GFRAL: variants seen among roughly 807,000 people sequenced by gnomAD.
The protein encoded by GFRAL is GDNF family receptor alpha like.
GFRAL carries 36 observed loss-of-function variants against 45.4 expected under a neutral mutation model. The observed-to-expected ratio is 0.79, with a 90% CI of 0.61 to 1.05. The LOEUF is 1.05. Ranked by LOEUF, GFRAL falls within the 50% of genes least tolerant of loss-of-function variation. The pLI is 0.00. For synonymous variants in GFRAL, 166 were observed against 154.1 expected, an observed-to-expected ratio of 1.08 and a Z score of -0.57; for missense variants, 507 against 467.5, an observed-to-expected ratio of 1.08 and a Z score of -0.78.
At chr6:55,394,986 C>A (rs9382489) in intron 6 of GFRAL, among the ~76,000 whole-genome samples, 35,420 of 151,588 alleles carry the variant, frequency 0.23, 5,008 homozygotes, top group Middle Eastern at 0.33. Context: ...TTCCCTTCTA[C>A]TCTCACTACA....
chr6:55,383,676 G>A (rs556264624), intron 6 of GFRAL, among the ~76,000 whole-genome samples: 2 of 152,030 alleles, frequency 1.3e-5, no homozygotes, highest in East Asian at 3.9e-4. Flanking sequence ...AATGTATTCT[G>A]GTCCTGATCA....
At chr6:55,339,579 T>G (rs985135720) in intron 3 of GFRAL, among the ~76,000 whole-genome samples, 2 of 151,928 alleles carry the variant, frequency 1.3e-5, no homozygotes, top group African/African-American at 4.8e-5. Flanking sequence ...GTTTTTTAAA[T>G]AGGAAAAGAA....
chr6:55,395,162 G>GGA (rs1320226262), intron 6 of GFRAL, among the ~76,000 whole-genome samples: 4 of 125,180 alleles, frequency 3.2e-5, no homozygotes, highest in African/African-American at 1.3e-4. Flanking sequence ...TCAGCCTATG[G>GGA]AAAAAAAAAA....
At chr6:55,384,754 C>T (rs1435411399) in intron 6 of GFRAL, among the ~76,000 whole-genome samples, 1 of 151,584 alleles carries the variant, frequency 6.6e-6, no homozygotes, top group Non-Finnish European at 1.5e-5. Flanking sequence ...ACTTTTGCAA[C>T]TTTAGAGGTT....
At chr6:55,394,728 G>A (rs552253034) in intron 6 of GFRAL, among the ~76,000 whole-genome samples, 4 of 152,102 alleles carry the variant, frequency 2.6e-5, no homozygotes, top group African/African-American at 4.8e-5. Flanking sequence ...TTCCTGAGTC[G>A]TCAGCTTTTA....
chr6:55,342,377 C>A (rs1767980132), intron 3 of GFRAL, among the ~76,000 whole-genome samples: 1 of 152,124 alleles, frequency 6.6e-6, no homozygotes, highest in South Asian at 2.1e-4. Context: ...ATTCAACATT[C>A]TTAAAGAAAA....
At chr6:55,394,348 G>T (rs561576327) in intron 6 of GFRAL, among the ~76,000 whole-genome samples, 4 of 152,196 alleles carry the variant, frequency 2.6e-5, no homozygotes, top group African/African-American at 9.6e-5. Context: ...TTAAGGGGAG[G>T]GGCAGGACTG....
At chr6:55,363,804 A>G (rs1253922977) in intron 6 of GFRAL, among the ~76,000 whole-genome samples, 3 of 151,584 alleles carry the variant, frequency 2.0e-5, no homozygotes, top group South Asian at 2.1e-4. Flanking sequence ...TCCATGGTGC[A>G]TATGTGCCAC....
intron 3 of GFRAL, among the ~76,000 whole-genome samples, chr6:55,334,935 A>C (rs993915964): frequency 6.6e-6 from 1 of 152,188 alleles, no homozygotes; most frequent in Non-Finnish European, 1.5e-5. Context: ...TCATTATCGA[A>C]AGTAAATTGC....
intron 3 of GFRAL, among the ~76,000 whole-genome samples, chr6:55,338,932 G>A (rs899206937): frequency 2.6e-5 from 4 of 152,078 alleles, no homozygotes; most frequent in Admixed American, 6.6e-5. Flanking sequence ...TGTATCATCA[G>A]TTTCTCAAAA....
intron 3 of GFRAL, among the ~76,000 whole-genome samples, chr6:55,349,087 G>A (rs1768082481): frequency 6.6e-6 from 1 of 152,008 alleles, no homozygotes; most frequent in Non-Finnish European, 1.5e-5. Context: ...CAAGAAGAAA[G>A]AGTGGTTCTC....
intron 6 of GFRAL, among the ~76,000 whole-genome samples, chr6:55,381,023 T>C (rs548651910): frequency 8.6e-5 from 13 of 151,956 alleles, no homozygotes; most frequent in Non-Finnish European, 1.2e-4. Flanking sequence ...TTTCCAACAC[T>C]TTTCCTTTTT....
chr6:55,393,671 G>T (rs192281573), intron 6 of GFRAL, among the ~76,000 whole-genome samples: 6 of 152,052 alleles, frequency 3.9e-5, no homozygotes, highest in East Asian at 1.9e-4. Flanking sequence ...AAGAGGCAAG[G>T]GGGGAGGAAA....
chr6:55,376,934 A>G (rs1169507932), intron 6 of GFRAL, among the ~76,000 whole-genome samples: 1 of 151,880 alleles, frequency 6.6e-6, no homozygotes, highest in African/African-American at 2.4e-5. Context: ...TTTGGGACCT[A>G]CAAGTAGTCG....
rs576391827 is a variant in GFRAL, at chr6:55,375,489, G to A, written c.952+16351G>A. 7.9e-5 allele frequency among the ~76,000 whole-genome samples: 12 copies of A among 152,254 alleles called. No individual in the cohort carries two copies. The East Asian group carries it at 2.3e-3, about 30-fold the overall frequency. On this transcript the variant is annotated intron_variant, in intron 6 of 8. Transcript: ENST00000340465. Reference sequence around the variant, plus strand: ...CATTGATTTTGTATCCTGAGACTTTGCTGAAGTTGCTTATTAGCTTAAGAA... The same window carrying A: ...CATTGATTTTGTATCCTGAGACTTTACTGAAGTTGCTTATTAGCTTAAGAA...
intron 1 of GFRAL, among the ~76,000 whole-genome samples, chr6:55,328,141 T>C (rs955721747): frequency 5.3e-5 from 8 of 151,972 alleles, no homozygotes; most frequent in African/African-American, 1.9e-4. Flanking sequence ...AACTCAAGTG[T>C]GGACTTACTT....
chr6:55,329,428 G>C (rs1415551712), intron 1 of GFRAL, among the ~76,000 whole-genome samples: 3 of 151,990 alleles, frequency 2.0e-5, no homozygotes, highest in African/African-American at 4.8e-5. Context: ...GATATATCTG[G>C]GATATTATCA....
intron 3 of GFRAL, among the ~76,000 whole-genome samples, chr6:55,339,351 A>G (rs924952380): frequency 6.6e-6 from 1 of 152,148 alleles, no homozygotes; most frequent in Non-Finnish European, 1.5e-5. Context: ...TAAATTTGCA[A>G]TGATAAAAAA....
At chr6:55,336,675 T>G (rs1357143437) in intron 3 of GFRAL, among the ~76,000 whole-genome samples, 1 of 152,210 alleles carries the variant, frequency 6.6e-6, no homozygotes, top group Non-Finnish European at 1.5e-5. Context: ...TCATCTATAA[T>G]AGAGTTTCAT....
Sources: gnomAD v4.1 joint callset for allele counts (sites outside exome capture counted in the v4.1 genomes callset) on GRCh38, gnomAD v4.1.1 for gene constraint, MANE v1.5 for transcripts, NCBI Gene and HGNC (gene_info 2026-07-23, HGNC 2026-07-21) for gene names.